Variants in SCAPER observed in about 807,000 individuals in gnomAD.
SCAPER encodes S-phase cyclin A associated protein in the ER.
A neutral mutation model predicts 182.2 loss-of-function variants in SCAPER; 98 were observed. The ratio of observed to expected loss-of-function variants is 0.54; its 90% CI spans 0.46 to 0.64. The LOEUF (loss-of-function observed/expected upper bound fraction) is 0.64. Among genes scored for constraint, SCAPER ranks in the 30% least tolerant of loss-of-function variants. The pLI is 0.00. For synonymous variants in SCAPER, 605 were observed against 564.6 expected, an observed-to-expected ratio of 1.07 and a Z score of -1.01; for missense variants, 1,432 against 1,690.0, an observed-to-expected ratio of 0.85 and a Z score of 2.68.
At chr15:76,672,957 T>G (rs1409386193) in intron 20 of SCAPER, among the ~76,000 whole-genome samples, 1 of 152,040 alleles carries the variant, frequency 6.6e-6, no homozygotes, top group African/African-American at 2.4e-5. Context: ...AGAAAATTTA[T>G]TTCAGCATTT....
chr15:76,436,809 G>C (rs2047229093), intron 25 of SCAPER, among the ~76,000 whole-genome samples: 1 of 152,172 alleles, frequency 6.6e-6, no homozygotes, highest in Non-Finnish European at 1.5e-5. Flanking sequence ...ACTTCTGTGT[G>C]AGGAGTTTCA....
intron 20 of SCAPER, among the ~76,000 whole-genome samples, chr15:76,687,149 CAAT>C (rs1258224950): frequency 1.3e-5 from 2 of 151,910 alleles, no homozygotes; most frequent in African/African-American, 4.8e-5. Context: ...GAAGAAATAA[CAAT>C]AATAGCATAT....
intron 22 of SCAPER, among the ~76,000 whole-genome samples, chr15:76,604,555 C>T (rs1423317340): frequency 3.6e-5 from 3 of 82,468 alleles, no homozygotes; most frequent in African/African-American, 8.8e-5. Context: ...TTTTCTGATT[C>T]TGTGAAGAAA....
chr15:76,411,900 T>C (rs1019094428), intron 26 of SCAPER, among the ~76,000 whole-genome samples: 8 of 152,156 alleles, frequency 5.3e-5, no homozygotes, highest in African/African-American at 1.9e-4. Flanking sequence ...ATGTGCTAAG[T>C]AGTTATTTGT....
chr15:76,503,213 T>C (rs1421567690), intron 24 of SCAPER, among the ~76,000 whole-genome samples: 2 of 152,222 alleles, frequency 1.3e-5, no homozygotes. Flanking sequence ...ATTTCATTCC[T>C]TTCTTCCTTT....
At chr15:76,605,234 G>C (rs1053995938) in intron 22 of SCAPER, among the ~76,000 whole-genome samples, 3 of 152,058 alleles carry the variant, frequency 2.0e-5, no homozygotes, top group Non-Finnish European at 2.9e-5. Flanking sequence ...TAGCAGGAAG[G>C]GTTGTTGAAT....
intron 25 of SCAPER, among the ~76,000 whole-genome samples, chr15:76,451,271 G>T (rs970430081): frequency 7.2e-4 from 109 of 152,240 alleles, no homozygotes; most frequent in Non-Finnish European, 3.4e-4. Context: ...CCTGTTCGTG[G>T]ACATGTGTGT....
chr15:76,841,650 GA>G (rs1175030188), intron 5 of SCAPER, 83 bp downstream of exon 5: 1,868 of 1,257,608 alleles, frequency 1.5e-3, no homozygotes, highest in South Asian at 1.9e-3. Flanking sequence ...CCATCTCAAA[GA>G]AAAAAAAAAG....
At chr15:76,852,591 T>C (rs553433752) in intron 4 of SCAPER, among the ~76,000 whole-genome samples, 1 of 152,296 alleles carries the variant, frequency 6.6e-6, no homozygotes, top group East Asian at 1.9e-4. Flanking sequence ...GAATGAATTC[T>C]GAGTAAATAA....
At chr15:76,645,987 G>A (rs2468126) in intron 21 of SCAPER, among the ~76,000 whole-genome samples, 12 of 152,054 alleles carry the variant, frequency 7.9e-5, no homozygotes, top group South Asian at 4.2e-4. Context: ...CCTACTCCAC[G>A]GTCAGGCTCT....
intron 15 of SCAPER, among the ~76,000 whole-genome samples, chr15:76,751,874 C>A (rs1248896011): frequency 6.6e-6 from 1 of 151,572 alleles, no homozygotes; most frequent in Non-Finnish European, 1.5e-5. Context: ...AAAAAACAGA[C>A]AAATTGGACT....
intron 26 of SCAPER, among the ~76,000 whole-genome samples, chr15:76,406,562 T>G (rs1290428363): frequency 6.6e-6 from 1 of 151,734 alleles, no homozygotes; most frequent in African/African-American, 2.4e-5. Flanking sequence ...GCAGGAGGAT[T>G]GCTTGAGCCC....
At chr15:76,851,858 G>A (rs1208996524) in intron 4 of SCAPER, among the ~76,000 whole-genome samples, 1 of 152,044 alleles carries the variant, frequency 6.6e-6, no homozygotes, top group Non-Finnish European at 1.5e-5. Context: ...ATGTAAATGG[G>A]CTAAATGCCC....
At chr15:76,400,007 A>G (rs1329275748) in intron 27 of SCAPER, among the ~76,000 whole-genome samples, 6 of 117,822 alleles carry the variant, frequency 5.1e-5, no homozygotes, top group Admixed American at 3.0e-4. Context: ...TCCGTCTCAA[A>G]AAAAAAAAAA....
chr15:76,845,931 T>C (rs1175890471), intron 4 of SCAPER, among the ~76,000 whole-genome samples: 1 of 152,000 alleles, frequency 6.6e-6, no homozygotes, highest in Non-Finnish European at 1.5e-5. Flanking sequence ...TCACATTACC[T>C]GAATTAAAGT....
At chr15:76,548,549 G>T (rs1481441356) in intron 23 of SCAPER, among the ~76,000 whole-genome samples, 6 of 152,082 alleles carry the variant, frequency 3.9e-5, no homozygotes, top group African/African-American at 1.2e-4. Context: ...GTTATCTTGG[G>T]GTAAACACTG....
intron 29 of SCAPER, among the ~76,000 whole-genome samples, chr15:76,357,968 G>C (rs1330015769): frequency 1.3e-5 from 2 of 152,200 alleles, no homozygotes; most frequent in East Asian, 3.8e-4. Context: ...TGAGGAATGA[G>C]AAATTACCTG....
intron 25 of SCAPER, 122 bp from the exon 26 acceptor site, chr15:76,434,432 G>C (rs2047063567): frequency 2.8e-6 from 2 of 714,112 alleles, no homozygotes; most frequent in Non-Finnish European, 4.5e-6. Context: ...CAAGAGTGTT[G>C]GCTCTGAAAT....
chr15:76,748,258 G>C (rs1035099142), intron 15 of SCAPER, among the ~76,000 whole-genome samples: 49 of 152,136 alleles, frequency 3.2e-4, no homozygotes, highest in Middle Eastern at 3.4e-3. Context: ...CCAAAGTGCT[G>C]GGATTACAGG....
Sources: allele counts gnomAD v4.1 joint callset (sites outside exome capture counted in the v4.1 genomes callset), GRCh38; gene constraint gnomAD v4.1.1; transcripts MANE v1.5; gene names NCBI Gene and HGNC (gene_info 2026-07-23, HGNC 2026-07-21).